The following ST18 variants were observed in gnomAD, a reference collection of about 807,000 sequenced individuals.
ST18 encodes ST18 C2H2C-type zinc finger transcription factor, also known as suppression of tumorigenicity 18 protein.
In ST18, 50 loss-of-function variants were observed where a neutral mutation model predicts 110.0. The ratio of observed to expected loss-of-function variants is 0.45; its 90% CI spans 0.36 to 0.58. ST18 has a LOEUF of 0.58. Ranked by LOEUF, ST18 falls within the 20% of genes least tolerant of loss-of-function variation. ST18 has a pLI of 0.00. For synonymous variants in ST18, 461 were observed against 452.4 expected (o/e 1.02, Z -0.24); for missense variants, 1,306 against 1,280.1 (o/e 1.02, Z -0.31).
intron 10 of ST18, among the ~76,000 whole-genome samples, chr8:52,170,409 G>A (rs1054660413): frequency 9.2e-5 from 14 of 151,368 alleles, no homozygotes; most frequent in African/African-American, 2.9e-4. Flanking sequence ...CCGACACGGC[G>A]CCACTGCACT....
chr8:52,239,457 C>T (rs949047044), intron 2 of ST18, among the ~76,000 whole-genome samples: 1 of 152,142 alleles, frequency 6.6e-6, no homozygotes, highest in African/African-American at 2.4e-5. Context: ...TCTTGGACAG[C>T]TTTGAGTGCT....
chr8:52,301,343 G>A (rs1301698166), intron 2 of ST18, among the ~76,000 whole-genome samples: 1 of 151,916 alleles, frequency 6.6e-6, no homozygotes, highest in East Asian at 1.9e-4. Context: ...ATTAAATCTA[G>A]CCATATAGTT....
At chr8:52,143,083 C>T (rs1417227813) in intron 16 of ST18, 38 bp from the exon 17 acceptor site, 1 of 1,332,264 alleles carries the variant, frequency 7.5e-7, no homozygotes. Flanking sequence ...ACACAGAAGC[C>T]ATTAGGGAAC....
At chr8:52,158,872 C>T in intron 15 of ST18, 26 bp downstream of exon 15, 1 of 1,613,512 alleles carries the variant, frequency 6.2e-7, no homozygotes, top group African/African-American at 1.3e-5. Context: ...CGCTGGCCCA[C>T]CCTCCGGGCT....
At chr8:52,207,907 C>T (rs557767925) in intron 8 of ST18, among the ~76,000 whole-genome samples, 1 of 152,152 alleles carries the variant, frequency 6.6e-6, no homozygotes, top group South Asian at 2.1e-4. Flanking sequence ...GAGGTTCAGA[C>T]TAAGGATAAT....
At chr8:52,301,904 G>A (rs1422436646) in intron 2 of ST18, 2 of 152,280 alleles carry the variant, frequency 1.3e-5, no homozygotes, top group African/African-American at 2.4e-5. Context: ...CAAGTAAGGA[G>A]GTGGCGTGGG....
intron 2 of ST18, among the ~76,000 whole-genome samples, chr8:52,299,301 T>A (rs1296067039): frequency 1.3e-5 from 2 of 152,222 alleles, no homozygotes; most frequent in Non-Finnish European, 2.9e-5. Flanking sequence ...GTTTTTAGTC[T>A]ACCTTCCATT....
At chr8:52,176,808 A>G (rs1422160135) in intron 9 of ST18, among the ~76,000 whole-genome samples, 3 of 152,134 alleles carry the variant, frequency 2.0e-5, no homozygotes, top group Admixed American at 6.5e-5. Context: ...CTTTAGTAAC[A>G]CTGGATGTTA....
chr8:52,123,434 A>G (rs1191571378), intron 23 of ST18, among the ~76,000 whole-genome samples: 3 of 152,208 alleles, frequency 2.0e-5, no homozygotes, highest in Non-Finnish European at 4.4e-5. Context: ...ACTTTAAGGT[A>G]AGGGATCATG....
At chr8:52,306,416 G>T (rs2095813754) in intron 2 of ST18, among the ~76,000 whole-genome samples, 1 of 152,120 alleles carries the variant, frequency 6.6e-6, no homozygotes, top group Non-Finnish European at 1.5e-5. Context: ...ACAGAACAGG[G>T]CTGGCATAGA....
At chr8:52,223,643 C>CAA (rs200869357) in intron 3 of ST18, among the ~76,000 whole-genome samples, 4 of 115,608 alleles carry the variant, frequency 3.5e-5, no homozygotes, top group Non-Finnish European at 7.5e-5. Context: ...GACTCTGTCT[C>CAA]AAAAAAAAAA....
In ST18 at chr8:52,125,868, G is replaced by A. The variant is rs138459538; in HGVS notation, c.2755+184C>T. The A allele has an allele frequency of 7.7e-3, 4,295 of 554,828 alleles. 26 individuals are homozygous for A. The highest frequency in any genetic ancestry group is 0.023 in the Middle Eastern group (71 of 3,046). The allele number at this position is 554,828 out of a possible 1,614,324, so 34.4% of individuals were successfully genotyped here. A position where few individuals can be genotyped will look rare whatever the true frequency, so the allele number is the denominator to read the frequency against. On this transcript the variant is annotated intron_variant, in intron 23 of 25. Transcript: ENST00000689386. ...GAGATCACTCCTTATTTAAAAATAA[G>A]GAAAACACCAAAAAATTGGTTTTTA...
chr8:52,385,306 G>A lies in ST18; in HGVS notation c.-465+24022C>T, dbSNP rs182964996. On this transcript the variant is annotated intron_variant, in intron 2 of 25. Transcript: ENST00000689386. Reference sequence around the variant, plus strand: ...CCCTAAGAAGGGATGCTAAGCATGAGAGATGAAACGACAAAGCACACATAA... The same window carrying A: ...CCCTAAGAAGGGATGCTAAGCATGAAAGATGAAACGACAAAGCACACATAA... Among the ~76,000 whole-genome samples the A allele has an allele frequency of 2.0e-4, 31 of 152,254 alleles. 1 individual carries two copies. Among genetic ancestry groups the A allele is most frequent in the Admixed American group, 1.8e-3 (27 of 15,294 alleles).
chr8:52,390,179 A>G (rs1838809497), intron 2 of ST18, among the ~76,000 whole-genome samples: 1 of 152,118 alleles, frequency 6.6e-6, no homozygotes, highest in East Asian at 1.9e-4. Context: ...TTGAACTCTG[A>G]TGTGGAGTCA....
chr8:52,272,358 AT>A (rs1355590820), intron 2 of ST18, among the ~76,000 whole-genome samples: 2 of 147,666 alleles, frequency 1.4e-5, no homozygotes, highest in Middle Eastern at 3.4e-3. Context: ...GTAAAAAAAA[AT>A]CTAATAACCC....
At chr8:52,118,758 T>C (rs2043491085) in intron 23 of ST18, among the ~76,000 whole-genome samples, 1 of 152,106 alleles carries the variant, frequency 6.6e-6, no homozygotes. Context: ...CGCTCCATTA[T>C]ACCCTCCTCA....
At chr8:52,292,779 C>A (rs2095575545) in intron 2 of ST18, among the ~76,000 whole-genome samples, 1 of 152,210 alleles carries the variant, frequency 6.6e-6, no homozygotes, top group Non-Finnish European at 1.5e-5. Context: ...CCTCATTCCA[C>A]AAGCAAACAC....
At chr8:52,219,024 C>T (rs1173761805) in intron 5 of ST18, among the ~76,000 whole-genome samples, 1 of 152,054 alleles carries the variant, frequency 6.6e-6, no homozygotes, top group Non-Finnish European at 1.5e-5. Flanking sequence ...TGGCTAGGCC[C>T]AGACCACCAA....
At chr8:52,120,857 G>A (rs1563501762) in intron 23 of ST18, among the ~76,000 whole-genome samples, 2 of 152,080 alleles carry the variant, frequency 1.3e-5, no homozygotes, top group South Asian at 4.1e-4. Flanking sequence ...TCAAGAGAAG[G>A]AGACAGACTC....
Sources: allele counts gnomAD v4.1 joint callset (sites outside exome capture counted in the v4.1 genomes callset), GRCh38; gene constraint gnomAD v4.1.1; transcripts MANE v1.5; gene names NCBI Gene and HGNC (gene_info 2026-07-23, HGNC 2026-07-21).